The following KLHL3 variants were observed in gnomAD, a reference collection of about 807,000 sequenced individuals.
The protein encoded by KLHL3 is kelch-like protein 3.
In KLHL3, 19 loss-of-function variants were observed where a neutral mutation model predicts 70.5. The observed-to-expected ratio is 0.27, with a 90% CI of 0.19 to 0.40. The LOEUF (loss-of-function observed/expected upper bound fraction) is 0.40. Among genes scored for constraint, KLHL3 ranks in the 10% least tolerant of loss-of-function variants. The pLI is 1.00. For missense variants in KLHL3, 512 were observed against 771.1 expected (o/e 0.66, Z 3.98); for synonymous variants, 258 against 290.3 (o/e 0.89, Z 1.13).
chr5:137,725,017 C>G (rs1163324095), intron 1 of KLHL3: 1 of 984,346 alleles, frequency 1.0e-6, no homozygotes, highest in Non-Finnish European at 1.2e-6. Context: ...CACAGAGTTG[C>G]TAGATCTTAC....
rs944919671 is a variant in KLHL3, at chr5:137,620,971, C to T, written c.*1127G>A. 3 of 152,258 alleles carry T rather than the reference C, an allele frequency of 2.0e-5. No individual in the cohort carries two copies. Among genetic ancestry groups the T allele is most frequent in the African/African-American group, 7.2e-5 (3 of 41,454 alleles). The allele number at this position is 152,258 out of a possible 1,614,324, so 9.4% of individuals were successfully genotyped here. On this transcript the variant is annotated 3_prime_UTR_variant, in exon 15 of 15. Coordinates refer to ENST00000309755, the MANE Select transcript of KLHL3 (RefSeq NM_017415.3). ...TAGTGGTATATTCCTTTGAAGCCATCCAATGTCCATCTGAATCACACACGA... is the reference window on the plus strand; with the variant it reads ...TAGTGGTATATTCCTTTGAAGCCATTCAATGTCCATCTGAATCACACACGA...
chr5:137,659,805 T>C (rs1315717763), intron 7 of KLHL3, among the ~76,000 whole-genome samples: 2 of 152,222 alleles, frequency 1.3e-5, no homozygotes, highest in Non-Finnish European at 2.9e-5. Flanking sequence ...GCCTCTAAAT[T>C]GTACACTTAA....
At chr5:137,627,844 C>T (rs143118772) in intron 13 of KLHL3, among the ~76,000 whole-genome samples, 5 of 152,322 alleles carry the variant, frequency 3.3e-5, no homozygotes, top group African/African-American at 4.8e-5. Context: ...GTCCAACTGT[C>T]CCTGCAAGGA....
chr5:137,727,430 A>T (rs1178675940), intron 1 of KLHL3, among the ~76,000 whole-genome samples: 1 of 152,162 alleles, frequency 6.6e-6, no homozygotes, highest in Non-Finnish European at 1.5e-5. Flanking sequence ...TGTTCCAGGC[A>T]TGTTCTACAT....
intron 12 of KLHL3, among the ~76,000 whole-genome samples, chr5:137,632,273 G>A (rs1052208281): frequency 6.6e-6 from 1 of 152,164 alleles, no homozygotes; most frequent in Non-Finnish European, 1.5e-5. Context: ...CAAGGCTATA[G>A]TAACTAAAAC....
Position 137,709,837 on chromosome 5 carries a change from C to G in KLHL3, c.154G>C (p.Val52Leu), listed in dbSNP as rs749798597. The change falls in exon 3 of 15, where the codon GTG (valine) becomes CTG (leucine). Residue 52 changes from valine to leucine, a missense_variant. Val to Leu is a conservative substitution (Grantham distance 32, BLOSUM62 1). Transcript: ENST00000309755. ...TCGACATCTTCTGCCACAATCATCA[C>G]GTCACACAACAGCTGTTTACTGTAA... is the stretch of plus-strand genomic sequence containing the variant. ...ELRSKQLLCDVMIVAEDVEIE... is the reference protein window; with the variant it reads ...ELRSKQLLCDLMIVAEDVEIE... 6.2e-7 allele frequency: 1 copy of G among 1,614,148 alleles called. No homozygotes were observed. The highest frequency in any genetic ancestry group is 1.1e-5 in the South Asian group (1 of 91,084).
chr5:137,671,073 A>T (rs11746435), intron 6 of KLHL3, among the ~76,000 whole-genome samples: 30,185 of 151,962 alleles, frequency 0.2, 3,192 homozygotes, highest in Non-Finnish European at 0.24. Flanking sequence ...TGACCTGAAG[A>T]AGAAAGCTCT....
chr5:137,671,887 C>T (rs762790414), intron 6 of KLHL3: 7 of 151,874 alleles, frequency 4.6e-5, no homozygotes, highest in Non-Finnish European at 1.0e-4. Context: ...TGTTTTACTT[C>T]GTAAAAAGTT....
At chr5:137,727,987 C>G (rs902594754) in intron 1 of KLHL3, among the ~76,000 whole-genome samples, 1 of 152,180 alleles carries the variant, frequency 6.6e-6, no homozygotes, top group East Asian at 1.9e-4. Context: ...AGATGTGCAA[C>G]AGCACACCAT....
In KLHL3 at chr5:137,639,812, G is replaced by A; in HGVS notation, c.1021+48C>T. 7.1e-7 allele frequency: 1 copy of A among 1,410,708 alleles called. No homozygotes were observed. The highest frequency in any genetic ancestry group is 1.0e-6 in the Non-Finnish European group (1 of 995,030). 87.4% of individuals were successfully genotyped at this position (1,410,708 alleles called of 1,614,324 possible). On this transcript the variant is annotated intron_variant, in intron 9 of 14. Transcript: ENST00000309755. This position sits in a 1 kb window ranked among gnomAD's most constrained non-coding sequence, Gnocchi z 5.0. The stretch of plus-strand genomic sequence containing the variant: ...TAGCTCACGACTTCTGGCACGGAGT[G>A]GGGACCAGCAGGGGAAAAACAGCTT...
At chr5:137,697,239 C>G (rs994607758) in intron 4 of KLHL3, among the ~76,000 whole-genome samples, 1 of 151,866 alleles carries the variant, frequency 6.6e-6, no homozygotes, top group Non-Finnish European at 1.5e-5. Context: ...TCTCAGCTCA[C>G]AGCAACCTCC....
At chr5:137,720,991 G>GAT in intron 1 of KLHL3, 1 of 484,232 alleles carries the variant, frequency 2.1e-6, no homozygotes, top group Non-Finnish European at 2.7e-6. Context: ...AATAGGCAAA[G>GAT]CCACCATCAC....
intron 8 of KLHL3, among the ~76,000 whole-genome samples, chr5:137,640,929 C>G (rs973025644): frequency 1.1e-4 from 16 of 152,106 alleles, no homozygotes; most frequent in African/African-American, 3.9e-4. Context: ...TTTGGCTATA[C>G]ACACTTACAT....
At chr5:137,633,278 C>CAAAAAAAAAAAAAAAAAAAAAA (rs56084512) in intron 12 of KLHL3, among the ~76,000 whole-genome samples, 1 of 72,002 alleles carries the variant, frequency 1.4e-5, no homozygotes, top group Admixed American at 2.2e-4. Context: ...GACTTCATCT[C>CAAAAAAAAAAAAAAAAAAAAAA]AAAAAAAAAA....
At chr5:137,657,252 G>A (rs1751365987) in intron 8 of KLHL3, among the ~76,000 whole-genome samples, 1 of 152,144 alleles carries the variant, frequency 6.6e-6, no homozygotes, top group Non-Finnish European at 1.5e-5. Flanking sequence ...CAAAGCAAGG[G>A]CCTAAATAAT....
At chr5:137,632,831 A>G (rs1027421225) in intron 12 of KLHL3, among the ~76,000 whole-genome samples, 2 of 152,218 alleles carry the variant, frequency 1.3e-5, no homozygotes, top group African/African-American at 4.8e-5. Context: ...CAACCCCATT[A>G]AAAAGCAGGC....
At chr5:137,709,167 A>C (rs1347319045) in intron 3 of KLHL3, among the ~76,000 whole-genome samples, 1 of 152,242 alleles carries the variant, frequency 6.6e-6, no homozygotes, top group Non-Finnish European at 1.5e-5. Context: ...ACTGAATGCC[A>C]GATATTGATT....
rs3813315 is a variant in KLHL3, at chr5:137,619,172, A to G, written c.*2926T>C. On this transcript the variant is annotated 3_prime_UTR_variant, in exon 15 of 15. Coordinates refer to ENST00000309755, the MANE Select transcript of KLHL3 (RefSeq NM_017415.3). ...GGATCTGGCTCAGAAATATACAAAC[A>G]TTACACAACAGATATCAAAGTAAGA... 66,367 of 152,616 alleles carry G rather than the reference A, an allele frequency of 0.43. 16,827 individuals are homozygous for G. The highest frequency in any genetic ancestry group is 0.56 in the Non-Finnish European group (37,862 of 67,998). The allele number at this position is 152,616 out of a possible 1,614,324, so 9.5% of individuals were successfully genotyped here. A position where few individuals can be genotyped will look rare whatever the true frequency, so the allele number is the denominator to read the frequency against.
chr5:137,637,260 T>C (rs774410953), intron 11 of KLHL3, 34 bp downstream of exon 11: 6 of 1,558,400 alleles, frequency 3.9e-6, no homozygotes, highest in South Asian at 2.2e-5. Flanking sequence ...GTGGGCCAGG[T>C]AGGCCTGGCC....
Sources: allele counts gnomAD v4.1 joint callset (sites outside exome capture counted in the v4.1 genomes callset), GRCh38; gene constraint gnomAD v4.1.1; non-coding constraint Gnocchi (gnomAD v3.1); transcripts MANE v1.5; gene names NCBI Gene and HGNC (gene_info 2026-07-23, HGNC 2026-07-21).